The following IFT122 variants were observed in gnomAD, a reference collection of about 807,000 sequenced individuals.
The protein encoded by IFT122 is intraflagellar transport 122, also known as intraflagellar transport protein 122 homolog.
Under a neutral mutation model 161.6 loss-of-function variants are expected in IFT122, and 118 were observed. The ratio of observed to expected loss-of-function variants is 0.73; its 90% confidence interval spans 0.63 to 0.85. The LOEUF is 0.85. Ranked by LOEUF, IFT122 falls within the 40% of genes least tolerant of loss-of-function variation. The pLI is 0.00. For missense variants in IFT122, 1,381 were observed against 1,579.6 expected (o/e 0.87, Z 2.13); for synonymous variants, 550 against 602.4 (o/e 0.91, Z 1.27).
intron 1 of IFT122, 28 bp from the exon 2 acceptor site, chr3:129,449,843 T>C (rs2074534113): frequency 6.4e-7 from 1 of 1,558,848 alleles, no homozygotes; most frequent in Non-Finnish European, 8.9e-7. Flanking sequence ...TGGTTCCTAA[T>C]TGTCTTTTTC....
intron 11 of IFT122, 55 bp downstream of exon 11, chr3:129,476,856 G>A (rs965477628): frequency 6.8e-5 from 109 of 1,610,192 alleles, no homozygotes; most frequent in Non-Finnish European, 8.4e-5. Flanking sequence ...AGGTGGAAAG[G>A]GCTGGTGACA....
intron 4 of IFT122, chr3:129,459,475 G>C (rs2075931945): frequency 2.2e-5 from 7 of 317,398 alleles, no homozygotes; most frequent in South Asian, 1.6e-4. Flanking sequence ...ATTTTTAGTA[G>C]AGATGGGGTT....
chr3:129,450,100 C>T (rs1027790815), intron 2 of IFT122, among the ~76,000 whole-genome samples, 163 bp downstream of exon 2: 5 of 150,646 alleles, frequency 3.3e-5, no homozygotes, highest in Admixed American at 1.3e-4. Flanking sequence ...CTATTTAAAA[C>T]GGGCAAGTAA....
Position 129,464,687 on chromosome 3 carries a change from A to G in IFT122, c.469A>G (p.Ser157Gly). Reference protein sequence around the residue: ...LALGMFNGIISIRNKNGEEKV... With the variant: ...LALGMFNGIIGIRNKNGEEKV... ...GCTGGGGATGTTCAATGGGATCATC[A>G]GCATACGGAACAAAAATGGCGAGGA... The change falls in exon 7 of 30, where the codon AGC (serine) becomes GGC (glycine). Residue 157 changes from serine (S) to glycine (G), a missense_variant. Ser to Gly is a moderately conservative substitution (Grantham distance 56, BLOSUM62 0). Around this residue, in one of 7 missense-constraint regions of IFT122, gnomAD observed 544 missense variants for 648.0 expected, o/e 0.84. Coordinates refer to ENST00000348417, the MANE Select transcript of IFT122 (RefSeq NM_052989.3). The G allele has an allele frequency of 6.2e-7, 1 of 1,614,128 alleles. No individual in the cohort carries two copies. The highest frequency in any genetic ancestry group is 2.2e-5 in the East Asian group (1 of 44,884).
chr3:129,463,106 A>G (rs2076355872), intron 5 of IFT122: 1 of 156,168 alleles, frequency 6.4e-6, no homozygotes, highest in East Asian at 1.8e-4. Flanking sequence ...GATGGTACCA[A>G]GAAGTCTATG....
intron 3 of IFT122, among the ~76,000 whole-genome samples, chr3:129,453,700 A>T (rs1217524044): frequency 6.6e-6 from 1 of 152,224 alleles, no homozygotes; most frequent in Non-Finnish European, 1.5e-5. Flanking sequence ...GAGGACAGCA[A>T]TGGAGAAGTA....
intron 26 of IFT122, 97 bp downstream of exon 26, chr3:129,515,696 A>G: frequency 1.4e-5 from 14 of 1,030,488 alleles, no homozygotes; most frequent in South Asian, 1.3e-5. Context: ...GCAAGGGCCA[A>G]AGGCCTCTGA....
In IFT122 at chr3:129,440,232, T is replaced by C; in HGVS notation, c.-99T>C. On this transcript the variant is annotated 5_prime_UTR_variant, in exon 1 of 30. Transcript: ENST00000348417. ...TGTACGTTGCCAGGGGTAACGCAGGTAGCCAAAGTGGCTTGTGGAGTGGCG... is the reference window on the plus strand; with the variant it reads ...TGTACGTTGCCAGGGGTAACGCAGGCAGCCAAAGTGGCTTGTGGAGTGGCG... 6.8e-7 allele frequency: 1 copy of C among 1,476,766 alleles called. No individual in the cohort carries two copies. The highest frequency in any genetic ancestry group is 2.5e-5 in the East Asian group (1 of 40,538). 91.5% of individuals were successfully genotyped at this position (1,476,766 alleles called of 1,614,324 possible).
intron 1 of IFT122, among the ~76,000 whole-genome samples, chr3:129,446,186 A>ATCT (rs1559828072): frequency 1.3e-5 from 2 of 151,852 alleles, no homozygotes; most frequent in Non-Finnish European, 2.9e-5. Context: ...ACAATCCTTT[A>ATCT]TCTTAACCCA....
chr3:129,488,297 A>G lies in IFT122; in HGVS notation c.1892A>G (p.Lys631Arg), dbSNP rs2079566319. ...MYQYLDRKLF[K>R]EAYQIACLGV... ...CAGTACCTGGATAGGAAACTGTTCA[A>G]GGAAGCCTACCAGATTGCTTGCTTG... Residue 631 changes from lysine (K) to arginine (R), a missense_variant, in exon 16 of 30, where the codon AAG becomes AGG. This residue lies in a region of IFT122 where 544 missense variants were observed against 648.0 expected (regional missense o/e 0.84). Coordinates refer to ENST00000348417, the MANE Select transcript of IFT122 (RefSeq NM_052989.3). The G allele has an allele frequency of 6.2e-7, 1 of 1,614,216 alleles. No homozygotes were observed. Among genetic ancestry groups the G allele is most frequent in the South Asian group, 1.1e-5 (1 of 91,084 alleles).
intron 11 of IFT122, 111 bp from the exon 12 acceptor site, chr3:129,477,905 T>C: frequency 1.2e-6 from 1 of 853,084 alleles, no homozygotes; most frequent in Non-Finnish European, 1.9e-6. Context: ...TCAATGAGAG[T>C]ATCTCACTTT....
At chr3:129,514,924 G>T in intron 25 of IFT122, 1 of 404,826 alleles carries the variant, frequency 2.5e-6, no homozygotes, top group Admixed American at 3.7e-5. Flanking sequence ...TCTGGAACCA[G>T]GCTGTAGTTC....
In IFT122 at chr3:129,449,938, G is replaced by T; in HGVS notation, c.108+1G>T. ...TTTGGCTGCCGGAAGCAGATTACTG[G>T]TAGGATTTTGTCTTAGTTTCCTCTT... is the stretch of plus-strand genomic sequence containing the variant. On this transcript the variant is annotated splice_donor_variant, in intron 2 of 29. Coordinates refer to ENST00000348417, the MANE Select transcript of IFT122 (RefSeq NM_052989.3). LOFTEE classifies it high-confidence loss of function. 6.2e-7 allele frequency: 1 copy of T among 1,603,764 alleles called. No homozygotes were observed.
At chr3:129,441,949 A>G (rs923457619) in intron 1 of IFT122, among the ~76,000 whole-genome samples, 2 of 152,182 alleles carry the variant, frequency 1.3e-5, no homozygotes, top group Non-Finnish European at 2.9e-5. Flanking sequence ...TGCTCGGCCT[A>G]AAAGGGGCAG....
chr3:129,510,374 G>A (rs1165386309), intron 23 of IFT122, among the ~76,000 whole-genome samples: 1 of 152,220 alleles, frequency 6.6e-6, no homozygotes, highest in Non-Finnish European at 1.5e-5. Flanking sequence ...CATGCCGTCA[G>A]TCTAGTGTTA....
At chr3:129,514,290 C>T in intron 24 of IFT122, 99 bp from the exon 25 acceptor site, 1 of 1,354,152 alleles carries the variant, frequency 7.4e-7, no homozygotes, top group Non-Finnish European at 1.0e-6. Flanking sequence ...CCGGCACCAG[C>T]ACAAGCTGTG....
chr3:129,464,704 T>C lies in IFT122; in HGVS notation c.486T>C (p.Asn162=), dbSNP rs768190245. 3.7e-6 allele frequency: 6 copies of C among 1,607,398 alleles called. No homozygotes were observed. The highest frequency in any genetic ancestry group is 3.4e-6 in the Non-Finnish European group (4 of 1,176,770). ...GGATCATCAGCATACGGAACAAAAA[T>C]GGCGAGGAGAAAGTAAAGATCGAGC... ...FNGIISIRNK[N]GEEKVKIERP... is the part of the protein sequence containing the mutation. The change falls in exon 7 of 30, where the codon AAT becomes AAC. Residue 162 remains asparagine, a synonymous_variant. Coordinates refer to ENST00000348417, the MANE Select transcript of IFT122 (RefSeq NM_052989.3).
chr3:129,447,739 C>T (rs1412468255), intron 1 of IFT122, among the ~76,000 whole-genome samples: 3 of 152,140 alleles, frequency 2.0e-5, no homozygotes, highest in African/African-American at 7.2e-5. Flanking sequence ...CCTCAAACTC[C>T]TGACCTCGTG....
chr3:129,451,348 C>T (rs2074823682), intron 2 of IFT122, among the ~76,000 whole-genome samples: 1 of 151,956 alleles, frequency 6.6e-6, no homozygotes. Context: ...GTCTTGAACT[C>T]CTGGTTTCAA....
Sources: gnomAD v4.1 joint callset for allele counts (sites outside exome capture counted in the v4.1 genomes callset) on GRCh38, gnomAD v4.1.1 for gene constraint, gnomAD v4.1.1 regional missense constraint, MANE v1.5 for transcripts, NCBI Gene and HGNC (gene_info 2026-07-23, HGNC 2026-07-21) for gene names.